The following PPARG variants were observed in gnomAD, a reference collection of about 807,000 sequenced individuals.
PPARG encodes the protein peroxisome proliferator-activated receptor gamma.
A neutral mutation model predicts 39.2 loss-of-function variants in PPARG; 17 were observed. The ratio of observed to expected loss-of-function variants is 0.43; its 90% CI spans 0.30 to 0.65. The LOEUF (loss-of-function observed/expected upper bound fraction) is 0.65, where lower values mean the gene tolerates loss of function less well. Ranked by LOEUF, PPARG falls within the 30% of genes least tolerant of loss-of-function variation. The pLI is 0.13. For missense variants in PPARG, 406 were observed against 585.9 expected (o/e 0.69, Z 3.17); for synonymous variants, 223 against 215.7 (o/e 1.03, Z -0.30).
chr3:12,303,085 A>T (rs916739468), intron 1 of PPARG, among the ~76,000 whole-genome samples: 2 of 152,210 alleles, frequency 1.3e-5, no homozygotes, highest in African/African-American at 2.4e-5. Flanking sequence ...TTTGCATTTC[A>T]TAGCAATATC....
At chr3:12,326,476 G>A (rs929700587) in intron 2 of PPARG, among the ~76,000 whole-genome samples, 3 of 152,172 alleles carry the variant, frequency 2.0e-5, no homozygotes, top group African/African-American at 7.2e-5. Flanking sequence ...AAGAACATTT[G>A]TCCAAATACA....
rs181255777 is a variant in PPARG at position 12,366,885 on chromosome 3, G to A, written c.-8-12819G>A. Among the ~76,000 whole-genome samples, 123 of 152,232 alleles carry A rather than the reference G, an allele frequency of 8.1e-4. 1 individual carries two copies. Among genetic ancestry groups the A allele is most frequent in the African/African-American group, 2.9e-3 (120 of 41,548 alleles). ...TCCTTGTAATGTCTGTTTTGTTTTA[G>A]TATTAGGGTAATTCTAGCCTCATTG... is the stretch of plus-strand genomic sequence containing the variant. On this transcript the variant is annotated intron_variant, in intron 2 of 7. Coordinates refer to ENST00000651735, the MANE Select transcript of PPARG (RefSeq NM_138711.6).
intron 7 of PPARG, among the ~76,000 whole-genome samples, chr3:12,419,825 TATTTA>T (rs2051202974): frequency 6.6e-6 from 1 of 152,138 alleles, no homozygotes; most frequent in Non-Finnish European, 1.5e-5. Context: ...AATATATTAA[TATTTA>T]ATTTATTTCA....
intron 2 of PPARG, among the ~76,000 whole-genome samples, chr3:12,373,026 G>A (rs969399773): frequency 2.0e-5 from 3 of 152,172 alleles, no homozygotes; most frequent in African/African-American, 7.2e-5. Context: ...TCTTGTTACT[G>A]AGAAGGGCTG....
chr3:12,322,623 A>G (rs1559493022), intron 2 of PPARG, among the ~76,000 whole-genome samples: 1 of 152,198 alleles, frequency 6.6e-6, no homozygotes, highest in East Asian at 1.9e-4. Context: ...TGGAAATTTT[A>G]AACATGAGGA....
Position 12,306,315 on chromosome 3 carries a change from C to T in PPARG, c.-82-6065C>T, listed in dbSNP as rs922505930. On this transcript the variant is annotated intron_variant, in intron 1 of 7. Coordinates refer to ENST00000651735, the MANE Select transcript of PPARG (RefSeq NM_138711.6). Reference sequence around the variant, plus strand: ...CGGAGCTCAGGCAATAATGTTCGCTCGCCCACCACTCATCTCCTGCCACGT... The same window carrying T: ...CGGAGCTCAGGCAATAATGTTCGCTTGCCCACCACTCATCTCCTGCCACGT... Among the ~76,000 whole-genome samples, 10 of 152,192 alleles carry T rather than the reference C, an allele frequency of 6.6e-5. 1 individual carries two copies. Among genetic ancestry groups the T allele is most frequent in the African/African-American group, 1.9e-4 (8 of 41,438 alleles).
At chr3:12,370,823 G>A (rs572898112) in intron 2 of PPARG, among the ~76,000 whole-genome samples, 3 of 152,062 alleles carry the variant, frequency 2.0e-5, no homozygotes, top group Admixed American at 6.5e-5. Context: ...ACACAGTTGG[G>A]GAAATGCCAG....
chr3:12,294,965 T>C (rs2046741546), intron 1 of PPARG, among the ~76,000 whole-genome samples: 1 of 152,224 alleles, frequency 6.6e-6, no homozygotes, highest in Non-Finnish European at 1.5e-5. Flanking sequence ...AGCCAGTGCA[T>C]CTCTGTTAGA....
At chr3:12,395,556 A>G (rs941366527) in intron 5 of PPARG, among the ~76,000 whole-genome samples, 1 of 152,202 alleles carries the variant, frequency 6.6e-6, no homozygotes, top group Non-Finnish European at 1.5e-5. Flanking sequence ...CATGTTGTAG[A>G]AGAACATAGT....
At chr3:12,432,312 C>T (rs1331589922) in intron 7 of PPARG, among the ~76,000 whole-genome samples, 1 of 152,166 alleles carries the variant, frequency 6.6e-6, no homozygotes, top group East Asian at 1.9e-4. Context: ...AAAATATTAG[C>T]AAGTGAGTAC....
At chr3:12,413,973 C>A (rs2050972946) in intron 6 of PPARG, among the ~76,000 whole-genome samples, 1 of 152,040 alleles carries the variant, frequency 6.6e-6, no homozygotes, top group African/African-American at 2.4e-5. Context: ...AGAAAATTAG[C>A]AGGATTTTGT....
Position 12,377,847 on chromosome 3 carries a change from T to C in PPARG, c.-8-1857T>C, listed in dbSNP as rs546628786. Among the ~76,000 whole-genome samples, 305 of 152,328 alleles carry C rather than the reference T, an allele frequency of 2.0e-3. 1 individual carries two copies. Among genetic ancestry groups the C allele is most frequent in the Non-Finnish European group, 2.6e-3 (180 of 68,036 alleles). On this transcript the variant is annotated intron_variant, in intron 2 of 7. Coordinates refer to ENST00000651735, the MANE Select transcript of PPARG (RefSeq NM_138711.6). The stretch of plus-strand genomic sequence containing the variant: ...AATAGGGGAATCTGTACATCTGATA[T>C]GAAGTTATGGATTGCAAATCGTACA...
At chr3:12,387,757 A>C (rs1264540149) in intron 4 of PPARG, among the ~76,000 whole-genome samples, 1 of 152,028 alleles carries the variant, frequency 6.6e-6, no homozygotes, top group Non-Finnish European at 1.5e-5. Flanking sequence ...TTTTGTTGCT[A>C]TTGCTTTTGG....
intron 2 of PPARG, among the ~76,000 whole-genome samples, chr3:12,378,909 G>A (rs1019532199): frequency 2.0e-5 from 3 of 152,130 alleles, no homozygotes; most frequent in Admixed American, 1.3e-4. Context: ...CCTTGATTAT[G>A]ATAATCATTT....
intron 7 of PPARG, among the ~76,000 whole-genome samples, chr3:12,433,048 A>G (rs2051713784): frequency 6.6e-6 from 1 of 152,254 alleles, no homozygotes; most frequent in Non-Finnish European, 1.5e-5. Context: ...CTCTGTTAAA[A>G]TGTATCAGTA....
At chr3:12,359,060 T>G (rs1199931148) in intron 2 of PPARG, among the ~76,000 whole-genome samples, 5 of 152,200 alleles carry the variant, frequency 3.3e-5, no homozygotes, top group African/African-American at 1.2e-4. Context: ...TTAGTATCTT[T>G]CTTTTCCACA....
At chr3:12,373,423 C>A (rs1289509991) in intron 2 of PPARG, among the ~76,000 whole-genome samples, 4 of 152,144 alleles carry the variant, frequency 2.6e-5, no homozygotes, top group Non-Finnish European at 5.9e-5. Context: ...GGACCACAAC[C>A]TTCCTCTTGT....
At chr3:12,297,236 C>T (rs1380862291) in intron 1 of PPARG, among the ~76,000 whole-genome samples, 8 of 152,190 alleles carry the variant, frequency 5.3e-5, no homozygotes, top group South Asian at 2.1e-4. Context: ...AGAAACTACT[C>T]ACAACTCTGA....
At chr3:12,431,546 A>G (rs3103310) in intron 7 of PPARG, among the ~76,000 whole-genome samples, 33,207 of 152,246 alleles carry the variant, frequency 0.22, 4,198 homozygotes, top group East Asian at 0.5. Flanking sequence ...TTAAAAACAG[A>G]CTTGATTAAT....
Sources: gnomAD v4.1 joint callset for allele counts (sites outside exome capture counted in the v4.1 genomes callset) on GRCh38, gnomAD v4.1.1 for gene constraint, MANE v1.5 for transcripts, NCBI Gene and HGNC (gene_info 2026-07-23, HGNC 2026-07-21) for gene names.